The following RBFOX1 variants were observed in gnomAD, a reference collection of about 807,000 sequenced individuals.
The protein encoded by RBFOX1 is RNA binding fox-1 homolog 1, also known as RNA binding protein fox-1 homolog 1.
In RBFOX1, 8 loss-of-function variants were observed where a neutral mutation model predicts 57.7. The observed-to-expected ratio is 0.14, with a 90% CI of 0.08 to 0.25. The LOEUF is 0.25. Among genes scored for constraint, RBFOX1 ranks in the 10% least tolerant of loss-of-function variants. The pLI is 1.00. For synonymous variants in RBFOX1, 326 were observed against 222.4 expected, an observed-to-expected ratio of 1.47 and a Z score of -4.15; for missense variants, 611 against 548.5, an observed-to-expected ratio of 1.11 and a Z score of -1.14.
intron 3 of RBFOX1, among the ~76,000 whole-genome samples, chr16:6,827,515 A>T (rs1421633899): frequency 2.0e-5 from 3 of 152,090 alleles, no homozygotes; most frequent in Admixed American, 1.3e-4. Flanking sequence ...GATGTTTTCA[A>T]AGCCTGAGTG....
intron 2 of RBFOX1, among the ~76,000 whole-genome samples, chr16:6,486,140 C>G (rs1347517524): frequency 6.3e-5 from 7 of 111,588 alleles, no homozygotes; most frequent in Admixed American, 1.3e-4. Context: ...ACTATAGTTG[C>G]AATATTTGGA....
At chr16:5,978,348 AT>A (rs1405421395) in intron 4 of RBFOX1, among the ~76,000 whole-genome samples, 1 of 151,934 alleles carries the variant, frequency 6.6e-6, no homozygotes, top group Non-Finnish European at 1.5e-5. Context: ...AATAAAAAAA[AT>A]AAGCTTTGTA....
At chr16:7,491,969 T>G (rs1342388263) in intron 4 of RBFOX1, among the ~76,000 whole-genome samples, 5 of 152,212 alleles carry the variant, frequency 3.3e-5, no homozygotes, top group Non-Finnish European at 5.9e-5. Context: ...GATTATAGTC[T>G]ATGTTCCTAA....
At chr16:6,141,548 C>T (rs2096715982) in intron 1 of RBFOX1, among the ~76,000 whole-genome samples, 1 of 152,136 alleles carries the variant, frequency 6.6e-6, no homozygotes, top group African/African-American at 2.4e-5. Context: ...ACACTTCCTA[C>T]ATCATTTTTG....
intron 2 of RBFOX1, among the ~76,000 whole-genome samples, chr16:6,635,188 TTACA>T (rs2098421992): frequency 6.7e-6 from 1 of 148,564 alleles, no homozygotes. Flanking sequence ...TTAATATATA[TTACA>T]TAATATGTAC....
chr16:7,419,210 A>G (rs2098515249), intron 4 of RBFOX1, among the ~76,000 whole-genome samples: 2 of 151,444 alleles, frequency 1.3e-5, no homozygotes, highest in Non-Finnish European at 2.9e-5. Context: ...ACCGTCCCCC[A>G]CCCCCAGCCA....
chr16:7,286,541 C>T (rs1247371716), intron 4 of RBFOX1, among the ~76,000 whole-genome samples: 5 of 150,430 alleles, frequency 3.3e-5, no homozygotes. Flanking sequence ...CCTCCCCTGC[C>T]AGGTTCAAGC....
chr16:6,952,608 A>T (rs1410039491), intron 3 of RBFOX1, among the ~76,000 whole-genome samples: 1 of 152,030 alleles, frequency 6.6e-6, no homozygotes, highest in Non-Finnish European at 1.5e-5. Flanking sequence ...ACTGGACTAC[A>T]GCCTGGGCAA....
At chr16:6,975,175 G>T (rs938605858) in intron 3 of RBFOX1, among the ~76,000 whole-genome samples, 2 of 152,128 alleles carry the variant, frequency 1.3e-5, no homozygotes, top group Admixed American at 6.6e-5. Context: ...TCCTGTGATG[G>T]TACTGAGGTA....
At chr16:7,086,922 C>A (rs912737101) in intron 4 of RBFOX1, among the ~76,000 whole-genome samples, 1 of 152,172 alleles carries the variant, frequency 6.6e-6, no homozygotes, top group African/African-American at 2.4e-5. Context: ...GCCCATCCCC[C>A]GGCCCTCCTT....
At chr16:6,098,709 G>A (rs929847285) in intron 1 of RBFOX1, among the ~76,000 whole-genome samples, 1 of 152,128 alleles carries the variant, frequency 6.6e-6, no homozygotes, top group Non-Finnish European at 1.5e-5. Context: ...CTTACTACGG[G>A]TACAGATGTC....
intron 4 of RBFOX1, among the ~76,000 whole-genome samples, chr16:7,331,437 G>A (rs1361761908): frequency 1.3e-5 from 2 of 152,114 alleles, no homozygotes; most frequent in African/African-American, 2.4e-5. Context: ...TTTCAAAATT[G>A]TGGAACTACA....
At chr16:7,351,955 A>T (rs553814402) in intron 4 of RBFOX1, among the ~76,000 whole-genome samples, 1 of 152,176 alleles carries the variant, frequency 6.6e-6, no homozygotes. Context: ...AGGGACTTTG[A>T]TGCCATTTTT....
At chr16:6,739,707 T>C (rs1306399597) in intron 3 of RBFOX1, among the ~76,000 whole-genome samples, 1 of 151,988 alleles carries the variant, frequency 6.6e-6, no homozygotes, top group Non-Finnish European at 1.5e-5. Flanking sequence ...TGAAACCCCA[T>C]CTCTACTAAA....
At chr16:6,989,813 A>T (rs926117892) in intron 3 of RBFOX1, among the ~76,000 whole-genome samples, 2 of 152,142 alleles carry the variant, frequency 1.3e-5, no homozygotes, top group African/African-American at 4.8e-5. Context: ...TAGCCTGGCT[A>T]ACATGGTGAA....
chr16:5,367,620 C>T (rs1315491714), intron 1 of RBFOX1, among the ~76,000 whole-genome samples: 1 of 152,218 alleles, frequency 6.6e-6, no homozygotes, highest in Non-Finnish European at 1.5e-5. Context: ...AACAGCAGCT[C>T]TAGCTTAACA....
intron 4 of RBFOX1, among the ~76,000 whole-genome samples, chr16:7,321,981 T>A (rs1459088077): frequency 6.6e-6 from 1 of 152,212 alleles, no homozygotes; most frequent in African/African-American, 2.4e-5. Context: ...TGGTTCTGGG[T>A]CCCTCACATC....
At chr16:6,871,220 C>G (rs2060812036) in intron 3 of RBFOX1, among the ~76,000 whole-genome samples, 1 of 152,178 alleles carries the variant, frequency 6.6e-6, no homozygotes, top group Admixed American at 6.5e-5. Flanking sequence ...GAGTGTTGCT[C>G]TGTCCCCCAG....
At chr16:6,027,680 T>G (rs778024974) in intron 1 of RBFOX1, among the ~76,000 whole-genome samples, 1 of 152,180 alleles carries the variant, frequency 6.6e-6, no homozygotes, top group Non-Finnish European at 1.5e-5. Context: ...TCATGACGAT[T>G]ACTATTATCC....
Sources: gnomAD v4.1 joint callset for allele counts (sites outside exome capture counted in the v4.1 genomes callset) on GRCh38, gnomAD v4.1.1 for gene constraint, MANE v1.5 for transcripts, NCBI Gene and HGNC (gene_info 2026-07-23, HGNC 2026-07-21) for gene names.